The following SEMA5A variants were observed in gnomAD, a reference collection of about 807,000 sequenced individuals.
SEMA5A encodes semaphorin 5A.
A neutral mutation model predicts 135.5 loss-of-function variants in SEMA5A; 55 were observed. The ratio of observed to expected loss-of-function variants is 0.41; its 90% CI spans 0.33 to 0.51. The LOEUF (loss-of-function observed/expected upper bound fraction) is 0.51. Among genes scored for constraint, SEMA5A ranks in the 20% least tolerant of loss-of-function variants. The pLI is 0.37. For synonymous variants in SEMA5A, 580 were observed against 546.5 expected, an observed-to-expected ratio of 1.06 and a Z score of -0.85; for missense variants, 1,290 against 1,419.9, an observed-to-expected ratio of 0.91 and a Z score of 1.47.
chr5:9,288,089 C>A (rs1229724027), intron 5 of SEMA5A, among the ~76,000 whole-genome samples: 1 of 152,132 alleles, frequency 6.6e-6, no homozygotes, highest in East Asian at 1.9e-4. Context: ...GAATTAAAAG[C>A]ACTTCACAAA....
rs371100179 is a variant in SEMA5A, at chr5:9,533,028, G to A, written c.-175+12556C>T. Reference sequence around the variant, plus strand: ...CCAACCCCCATGCTTACAAATAGAGGTTATTCTTTTGTTTTCTCCAAAGAA... The same window carrying A: ...CCAACCCCCATGCTTACAAATAGAGATTATTCTTTTGTTTTCTCCAAAGAA... On this transcript the variant is annotated intron_variant, in intron 1 of 22. Transcript: ENST00000382496. Among the ~76,000 whole-genome samples the A allele has an allele frequency of 2.2e-3, 332 of 152,254 alleles. 1 individual carries two copies. Among genetic ancestry groups the A allele is most frequent in the Non-Finnish European group, 3.5e-3 (236 of 68,012 alleles).
chr5:9,159,270 C>T (rs1457558123), intron 11 of SEMA5A, among the ~76,000 whole-genome samples: 1 of 152,168 alleles, frequency 6.6e-6, no homozygotes, highest in Non-Finnish European at 1.5e-5. Flanking sequence ...AGGATTATAA[C>T]AATGGACTCC....
At chr5:9,378,581 A>G (rs1308259689) in intron 3 of SEMA5A, among the ~76,000 whole-genome samples, 1 of 152,230 alleles carries the variant, frequency 6.6e-6, no homozygotes, top group Non-Finnish European at 1.5e-5. Context: ...TTTGAAGCAC[A>G]CAATCAGAAT....
chr5:9,192,228 T>C (rs1340307223), intron 10 of SEMA5A, among the ~76,000 whole-genome samples: 53 of 152,394 alleles, frequency 3.5e-4, no homozygotes, highest in Non-Finnish European at 1.5e-5. Context: ...GCAGCTGTCC[T>C]GCCACATGGT....
At chr5:9,235,341 T>C (rs1196455248) in intron 6 of SEMA5A, among the ~76,000 whole-genome samples, 1 of 152,212 alleles carries the variant, frequency 6.6e-6, no homozygotes, top group Non-Finnish European at 1.5e-5. Context: ...AATTTGCCAT[T>C]TTGGAAATTA....
intron 11 of SEMA5A, among the ~76,000 whole-genome samples, chr5:9,162,414 G>C (rs201564163): frequency 2.7e-5 from 3 of 113,172 alleles, no homozygotes; most frequent in African/African-American, 1.4e-4. Context: ...GTATATATAT[G>C]TGTGTGTATA....
chr5:9,230,185 G>A (rs943059129), intron 6 of SEMA5A, among the ~76,000 whole-genome samples: 1 of 138,152 alleles, frequency 7.2e-6, no homozygotes, highest in Non-Finnish European at 1.5e-5. Context: ...TTTTTTGTAG[G>A]GTCAAGGACT....
chr5:9,345,221 A>G (rs1312213770), intron 3 of SEMA5A, among the ~76,000 whole-genome samples: 2 of 152,188 alleles, frequency 1.3e-5, no homozygotes, highest in Non-Finnish European at 1.5e-5. Flanking sequence ...GCTTCCTAAC[A>G]TTCCTCTTAA....
intron 3 of SEMA5A, among the ~76,000 whole-genome samples, chr5:9,341,330 C>T (rs570389102): frequency 6.6e-6 from 1 of 151,976 alleles, no homozygotes; most frequent in African/African-American, 2.4e-5. Flanking sequence ...ATCACAATAA[C>T]AGATTTCAGT....
At chr5:9,136,981 C>T (rs1368472867) in intron 12 of SEMA5A, among the ~76,000 whole-genome samples, 1 of 152,210 alleles carries the variant, frequency 6.6e-6, no homozygotes, top group African/African-American at 2.4e-5. Context: ...TGATCATCCG[C>T]CTCCTCTTTA....
intron 3 of SEMA5A, among the ~76,000 whole-genome samples, chr5:9,354,748 G>C (rs1754369439): frequency 2.6e-5 from 4 of 152,212 alleles, no homozygotes; most frequent in South Asian, 4.1e-4. Flanking sequence ...TAACTTTGTA[G>C]AGTGTGACTT....
At chr5:9,117,628 T>C (rs1452885521) in intron 15 of SEMA5A, among the ~76,000 whole-genome samples, 2 of 152,206 alleles carry the variant, frequency 1.3e-5, no homozygotes, top group African/African-American at 4.8e-5. Flanking sequence ...CAAAAAACCG[T>C]GTGGAAATTT....
At chr5:9,469,995 AAG>A (rs1759417415) in intron 1 of SEMA5A, among the ~76,000 whole-genome samples, 1 of 152,200 alleles carries the variant, frequency 6.6e-6, no homozygotes, top group African/African-American at 2.4e-5. Flanking sequence ...TGAAATGAAA[AAG>A]AGGGGGAATT....
chr5:9,287,568 T>A lies in SEMA5A; in HGVS notation c.270+30804A>T, dbSNP rs183932672. ...CTTTAAAAATTATATTCTTCTGAAA[T>A]AAATTATATCAATTTTCTAATGTTA... On this transcript the variant is annotated intron_variant, in intron 5 of 22. Coordinates refer to ENST00000382496, the MANE Select transcript of SEMA5A (RefSeq NM_003966.3). Among the ~76,000 whole-genome samples, 316 of 152,346 alleles carry A rather than the reference T, an allele frequency of 2.1e-3. 1 individual carries two copies. Among genetic ancestry groups the A allele is most frequent in the African/African-American group, 7.3e-3 (302 of 41,574 alleles).
chr5:9,355,597 G>A (rs918063808), intron 3 of SEMA5A, among the ~76,000 whole-genome samples: 29 of 152,098 alleles, frequency 1.9e-4, no homozygotes, highest in Admixed American at 1.4e-3. Context: ...GGATGTCTAC[G>A]CGGAGGTCTT....
intron 2 of SEMA5A, among the ~76,000 whole-genome samples, chr5:9,389,053 A>G (rs995349643): frequency 6.6e-6 from 1 of 152,338 alleles, no homozygotes; most frequent in East Asian, 1.9e-4. Context: ...AGTCTGGTCA[A>G]CATCACTGAT....
intron 11 of SEMA5A, among the ~76,000 whole-genome samples, chr5:9,164,665 A>G (rs1169424662): frequency 6.6e-6 from 1 of 152,188 alleles, no homozygotes; most frequent in Non-Finnish European, 1.5e-5. Context: ...AATAATTCAT[A>G]TGGTTGGTGC....
At chr5:9,428,406 A>G (rs1757743613) in intron 2 of SEMA5A, among the ~76,000 whole-genome samples, 1 of 152,306 alleles carries the variant, frequency 6.6e-6, no homozygotes, top group African/African-American at 2.4e-5. Context: ...TAACACTGAT[A>G]GTGTTCAAAT....
intron 13 of SEMA5A, among the ~76,000 whole-genome samples, chr5:9,131,279 T>TGA (rs1006232927): frequency 2.0e-5 from 3 of 151,758 alleles, no homozygotes; most frequent in Non-Finnish European, 2.9e-5. Context: ...TGTCACATGG[T>TGA]GAGAGAGAGA....
Sources: gnomAD v4.1 joint callset for allele counts (sites outside exome capture counted in the v4.1 genomes callset) on GRCh38, gnomAD v4.1.1 for gene constraint, MANE v1.5 for transcripts, NCBI Gene and HGNC (gene_info 2026-07-23, HGNC 2026-07-21) for gene names.